The following EYA4 variants were observed in gnomAD, a reference collection of about 807,000 sequenced individuals.
EYA4 encodes protein phosphatase EYA4.
A neutral mutation model predicts 87.9 loss-of-function variants in EYA4; 31 were observed. The observed-to-expected ratio is 0.35, with a 90% CI of 0.27 to 0.48. The LOEUF (loss-of-function observed/expected upper bound fraction) is 0.48, where lower values mean the gene tolerates loss of function less well. Among genes scored for constraint, EYA4 ranks in the 20% least tolerant of loss-of-function variants. The pLI is 0.99. For missense variants in EYA4, 678 were observed against 761.4 expected, an observed-to-expected ratio of 0.89 and a Z score of 1.29; for synonymous variants, 263 against 270.6, an observed-to-expected ratio of 0.97 and a Z score of 0.28.
At chr6:133,340,463 A>G (rs1480844234) in intron 2 of EYA4, among the ~76,000 whole-genome samples, 1 of 152,236 alleles carries the variant, frequency 6.6e-6, no homozygotes, top group Non-Finnish European at 1.5e-5. Flanking sequence ...GCTACAAGAA[A>G]GACGCAGCTG....
intron 3 of EYA4, among the ~76,000 whole-genome samples, chr6:133,382,731 T>A (rs1786333382): frequency 1.3e-5 from 2 of 152,140 alleles, no homozygotes; most frequent in Admixed American, 6.5e-5. Flanking sequence ...TTCTAATTTC[T>A]TTTTATAATG....
intron 3 of EYA4, among the ~76,000 whole-genome samples, chr6:133,445,429 G>T (rs1312008622): frequency 6.6e-6 from 1 of 151,938 alleles, no homozygotes; most frequent in Non-Finnish European, 1.5e-5. Context: ...TGAGCTGAAG[G>T]TCTTCCTTTA....
intron 13 of EYA4, among the ~76,000 whole-genome samples, chr6:133,492,514 A>G (rs1160708857): frequency 6.6e-6 from 1 of 152,224 alleles, no homozygotes; most frequent in East Asian, 1.9e-4. Context: ...GAAGGGGGAA[A>G]AATTGAAAAC....
At chr6:133,363,447 T>C (rs564730012) in intron 2 of EYA4, 2 of 151,526 alleles carry the variant, frequency 1.3e-5, no homozygotes, top group South Asian at 2.1e-4. Flanking sequence ...CTAGTTAAAC[T>C]GAATGCCTGG....
Position 133,481,479 on chromosome 6 carries a change from G to T in EYA4, c.987G>T (p.Met329Ile), listed in dbSNP as rs146144708. ...LTNQPGEFDTMQSPSTPIKDL... is the reference protein window; with the variant it reads ...LTNQPGEFDTIQSPSTPIKDL... Reference sequence around the variant, plus strand: ...TATCTATAGGAGAGTTCGATACCATGCAGAGTCCCTCCACACCCATCAAAG... The same window carrying T: ...TATCTATAGGAGAGTTCGATACCATTCAGAGTCCCTCCACACCCATCAAAG... The change falls in exon 12 of 20, where the codon ATG (methionine) becomes ATT (isoleucine). Residue 329 changes from methionine to isoleucine, a missense_variant. Transcript: ENST00000355286. 348 of 1,613,852 alleles carry T rather than the reference G, an allele frequency of 2.2e-4. 2 individuals carry two copies. The Middle Eastern group carries it at 6.3e-3, about 29-fold the overall frequency.
chr6:133,296,854 T>C (rs1778986159), intron 2 of EYA4, among the ~76,000 whole-genome samples: 1 of 152,218 alleles, frequency 6.6e-6, no homozygotes, highest in Non-Finnish European at 1.5e-5. Context: ...GCTTCCATCT[T>C]ACTGATCTTT....
chr6:133,250,515 G>A (rs1275289214), intron 1 of EYA4, among the ~76,000 whole-genome samples: 2 of 151,980 alleles, frequency 1.3e-5, no homozygotes, highest in Non-Finnish European at 2.9e-5. Flanking sequence ...GGTGGTGGGC[G>A]CCTGTAATCC....
chr6:133,342,303 G>A (rs1782842012), intron 2 of EYA4, among the ~76,000 whole-genome samples: 1 of 148,128 alleles, frequency 6.8e-6, no homozygotes, highest in African/African-American at 2.5e-5. Flanking sequence ...CCAGGCTTTG[G>A]GAAGCCCTTC....
At chr6:133,379,629 T>C (rs1223528035) in intron 2 of EYA4, among the ~76,000 whole-genome samples, 1 of 152,140 alleles carries the variant, frequency 6.6e-6, no homozygotes, top group Non-Finnish European at 1.5e-5. Context: ...CTCAGAAGTG[T>C]TTGTCAAAAA....
At chr6:133,468,801 C>A in intron 11 of EYA4, 70 bp downstream of exon 11, 1 of 1,502,724 alleles carries the variant, frequency 6.7e-7, no homozygotes, top group Non-Finnish European at 9.3e-7. Flanking sequence ...AGAAAGTGGA[C>A]ATTCCAAAAA....
intron 4 of EYA4, 77 bp downstream of exon 4, chr6:133,446,831 A>T (rs1792890608): frequency 1.6e-6 from 2 of 1,254,024 alleles, no homozygotes; most frequent in African/African-American, 3.0e-5. Context: ...AGATCTGCTA[A>T]TAAATAAATA....
chr6:133,434,381 A>G (rs1791460159), intron 3 of EYA4, among the ~76,000 whole-genome samples: 1 of 152,242 alleles, frequency 6.6e-6, no homozygotes, highest in African/African-American at 2.4e-5. Context: ...GTTTTCAAAT[A>G]GACAAACCAG....
intron 2 of EYA4, among the ~76,000 whole-genome samples, chr6:133,373,085 T>C (rs772382478): frequency 1.4e-4 from 22 of 152,116 alleles, no homozygotes; most frequent in Non-Finnish European, 2.5e-4. Context: ...TTGAAAAGGT[T>C]AGTTGTCATT....
intron 2 of EYA4, among the ~76,000 whole-genome samples, chr6:133,355,259 A>G (rs1363920242): frequency 1.3e-5 from 2 of 152,008 alleles, no homozygotes; most frequent in African/African-American, 2.4e-5. Context: ...CACCCTTCCA[A>G]GAGGCCCCAG....
chr6:133,462,015 A>G (rs1434543217), intron 7 of EYA4: 1 of 385,088 alleles, frequency 2.6e-6, no homozygotes, highest in African/African-American at 2.1e-5. Context: ...TCTGTGTATT[A>G]ACTGGAGTGC....
At chr6:133,407,643 A>G (rs1788836351) in intron 3 of EYA4, among the ~76,000 whole-genome samples, 1 of 152,146 alleles carries the variant, frequency 6.6e-6, no homozygotes, top group African/African-American at 2.4e-5. Flanking sequence ...AAATTCAATT[A>G]AGTTGAGCCC....
intron 3 of EYA4, among the ~76,000 whole-genome samples, chr6:133,402,312 A>G (rs771781004): frequency 1.3e-5 from 2 of 152,142 alleles, no homozygotes; most frequent in Non-Finnish European, 2.9e-5. Flanking sequence ...TAAGAGGGAA[A>G]ACCACTTTGG....
chr6:133,496,433 A>G (rs1797652953), intron 13 of EYA4, among the ~76,000 whole-genome samples: 1 of 152,194 alleles, frequency 6.6e-6, no homozygotes, highest in South Asian at 2.1e-4. Context: ...CTAAGGGCAG[A>G]ACTGCTCTAG....
At chr6:133,429,271 A>T (rs546494612) in intron 3 of EYA4, among the ~76,000 whole-genome samples, 2 of 152,190 alleles carry the variant, frequency 1.3e-5, no homozygotes, top group Admixed American at 1.3e-4. Flanking sequence ...TGAGAGGTGA[A>T]TACCTGAATA....
Sources: allele counts gnomAD v4.1 joint callset (sites outside exome capture counted in the v4.1 genomes callset), GRCh38; gene constraint gnomAD v4.1.1; transcripts MANE v1.5; gene names NCBI Gene and HGNC (gene_info 2026-07-23, HGNC 2026-07-21).